The following THSD7A variants were observed in gnomAD, a reference collection of about 807,000 sequenced individuals.
The protein encoded by THSD7A is thrombospondin type-1 domain-containing protein 7A.
Under a neutral mutation model 231.3 loss-of-function variants are expected in THSD7A, and 96 were observed. The ratio of observed to expected loss-of-function variants is 0.41; its 90% CI spans 0.35 to 0.49. The LOEUF is 0.49. THSD7A is among the 20% of genes least tolerant of loss of function. The pLI, the probability that THSD7A is intolerant of heterozygous loss-of-function variation, is 0.05. For synonymous variants in THSD7A, 940 were observed against 743.3 expected, an observed-to-expected ratio of 1.26 and a Z score of -4.30; for missense variants, 2,290 against 2,070.2, an observed-to-expected ratio of 1.11 and a Z score of -2.06.
chr7:11,583,321 G>C (rs896448869), intron 4 of THSD7A, among the ~76,000 whole-genome samples: 1 of 152,014 alleles, frequency 6.6e-6, no homozygotes, highest in African/African-American at 2.4e-5. Context: ...CTGCCACCGA[G>C]GCTGGAGTGC....
intron 1 of THSD7A, among the ~76,000 whole-genome samples, chr7:11,658,896 A>T (rs1233769521): frequency 6.6e-6 from 1 of 151,770 alleles, no homozygotes; most frequent in African/African-American, 2.4e-5. Context: ...GATTCAGAGC[A>T]GAACTCAGAA....
chr7:11,636,652 A>T lies in THSD7A; in HGVS notation c.500T>A (p.Ile167Asn). ...CTCACAGATGATATCCTCCGCAGGAATGTCTTTGTCTTTCTGGATGCACGC... is the reference window on the plus strand; with the variant it reads ...CTCACAGATGATATCCTCCGCAGGATTGTCTTTGTCTTTCTGGATGCACGC... ...EIACIQKDKD[I>N]PAEDIICEYF... Residue 167 changes from isoleucine to asparagine, a missense_variant, in exon 2 of 28, where the codon ATT becomes AAT. Transcript: ENST00000423059. This position sits in a 1 kb window ranked among gnomAD's most constrained non-coding sequence, Gnocchi z 10.0. The T allele has an allele frequency of 6.2e-7, 1 of 1,613,944 alleles. No individual in the cohort carries two copies.
intron 1 of THSD7A, among the ~76,000 whole-genome samples, chr7:11,738,686 G>C (rs1262104761): frequency 6.6e-6 from 1 of 151,966 alleles, no homozygotes; most frequent in African/African-American, 2.4e-5. Context: ...AACTGGAAGG[G>C]GCAGAAGAGG....
intron 7 of THSD7A, among the ~76,000 whole-genome samples, chr7:11,478,643 G>GT (rs1272999580): frequency 6.6e-6 from 1 of 152,164 alleles, no homozygotes; most frequent in Non-Finnish European, 1.5e-5. Context: ...AAGAAAAGAA[G>GT]TGCAGTATGA....
At chr7:11,686,809 C>T (rs571740906) in intron 1 of THSD7A, among the ~76,000 whole-genome samples, 90 of 151,784 alleles carry the variant, frequency 5.9e-4, no homozygotes, top group African/African-American at 2.2e-3. Context: ...AAGATGGCAA[C>T]AATAAAAACT....
chr7:11,518,210 C>T (rs890908696), intron 6 of THSD7A, among the ~76,000 whole-genome samples: 1 of 152,138 alleles, frequency 6.6e-6, no homozygotes, highest in African/African-American at 2.4e-5. Flanking sequence ...AAATTGGAGA[C>T]ACAGGCATGT....
At chr7:11,820,972 G>T in intron 1 of THSD7A, 1 of 1,036,814 alleles carries the variant, frequency 9.6e-7, no homozygotes, top group Non-Finnish European at 1.4e-6. Context: ...ATATCAAGGC[G>T]GAGATCAACA....
At chr7:11,567,150 G>C (rs1790377595) in intron 4 of THSD7A, among the ~76,000 whole-genome samples, 1 of 151,954 alleles carries the variant, frequency 6.6e-6, no homozygotes, top group Non-Finnish European at 1.5e-5. Context: ...AGTACTGCCC[G>C]AGACTGGGTA....
At chr7:11,731,570 C>A (rs528280806) in intron 1 of THSD7A, among the ~76,000 whole-genome samples, 17 of 151,512 alleles carry the variant, frequency 1.1e-4, no homozygotes, top group African/African-American at 4.1e-4. Context: ...TATCTCAAGA[C>A]AATTTTTTAC....
chr7:11,647,326 G>A (rs1053455246), intron 1 of THSD7A, among the ~76,000 whole-genome samples: 2 of 152,040 alleles, frequency 1.3e-5, no homozygotes, highest in Non-Finnish European at 2.9e-5. Context: ...TCAGGGGAAC[G>A]ATGGAGAGAG....
chr7:11,445,448 T>C (rs1784935800), intron 13 of THSD7A, among the ~76,000 whole-genome samples: 1 of 151,988 alleles, frequency 6.6e-6, no homozygotes, highest in South Asian at 2.1e-4. Flanking sequence ...TCTTTTTTGG[T>C]TTAGAAAATA....
intron 13 of THSD7A, among the ~76,000 whole-genome samples, chr7:11,435,842 C>G (rs1405678305): frequency 6.6e-6 from 1 of 151,926 alleles, no homozygotes; most frequent in African/African-American, 2.4e-5. Context: ...GTAAGGTTGG[C>G]TTGGAGACTC....
intron 1 of THSD7A, among the ~76,000 whole-genome samples, chr7:11,770,268 G>T (rs1783179228): frequency 2.0e-5 from 3 of 151,938 alleles, no homozygotes; most frequent in Admixed American, 6.6e-5. Flanking sequence ...AAATAATGTT[G>T]CACTCAGAAG....
chr7:11,780,494 T>C (rs886807496), intron 1 of THSD7A, among the ~76,000 whole-genome samples: 1 of 152,164 alleles, frequency 6.6e-6, no homozygotes, highest in Non-Finnish European at 1.5e-5. Flanking sequence ...GAGATCCATG[T>C]GACAATAAAT....
At chr7:11,512,927 T>TA (rs1787874407) in intron 6 of THSD7A, among the ~76,000 whole-genome samples, 1 of 71,072 alleles carries the variant, frequency 1.4e-5, no homozygotes, top group Non-Finnish European at 3.0e-5. Context: ...TAAAGTATAA[T>TA]AAAAAAGAAA....
intron 2 of THSD7A, among the ~76,000 whole-genome samples, chr7:11,607,179 A>T (rs937031201): frequency 2.0e-5 from 3 of 152,096 alleles, no homozygotes; most frequent in Non-Finnish European, 4.4e-5. Context: ...TTAGTACTAG[A>T]ATATAACGCT....
intron 1 of THSD7A, among the ~76,000 whole-genome samples, chr7:11,707,533 T>G (rs1044333646): frequency 1.3e-5 from 2 of 151,018 alleles, no homozygotes; most frequent in African/African-American, 4.8e-5. Flanking sequence ...TTAGCTAAAA[T>G]CAATACATTC....
At chr7:11,723,630 T>A (rs1692848440) in intron 1 of THSD7A, among the ~76,000 whole-genome samples, 1 of 151,932 alleles carries the variant, frequency 6.6e-6, no homozygotes, top group South Asian at 2.1e-4. Flanking sequence ...CAATTTTACT[T>A]GGAGCTATGT....
intron 1 of THSD7A, among the ~76,000 whole-genome samples, chr7:11,665,924 C>A (rs1783112753): frequency 6.6e-6 from 1 of 152,140 alleles, no homozygotes; most frequent in African/African-American, 2.4e-5. Flanking sequence ...GAGTCCTCCC[C>A]TGCTCAGGGC....
Sources: allele counts gnomAD v4.1 joint callset (sites outside exome capture counted in the v4.1 genomes callset), GRCh38; gene constraint gnomAD v4.1.1; non-coding constraint Gnocchi (gnomAD v3.1); transcripts MANE v1.5; gene names NCBI Gene and HGNC (gene_info 2026-07-23, HGNC 2026-07-21).